POLR1C: variants seen among roughly 807,000 people sequenced by gnomAD.
The protein encoded by POLR1C is RNA polymerase I and III subunit C, also known as DNA-directed RNA polymerases I and III subunit RPAC1.
A neutral mutation model predicts 38.3 loss-of-function variants in POLR1C; 42 were observed. That is an observed-to-expected ratio of 1.10 (90% CI 0.86 to 1.42). The LOEUF (loss-of-function observed/expected upper bound fraction) is 1.42. Ranked by LOEUF, POLR1C falls within the 40% of genes most tolerant of loss-of-function variation. The pLI is 0.00. For missense variants in POLR1C, 507 were observed against 450.5 expected, an observed-to-expected ratio of 1.13 and a Z score of -1.14; for synonymous variants, 163 against 163.9, an observed-to-expected ratio of 0.99 and a Z score of 0.04.
intron 10 of POLR1C, chr6:43,555,933 C>CTTGGATGTG: frequency 6.2e-7 from 1 of 1,613,968 alleles, no homozygotes; most frequent in Non-Finnish European, 8.5e-7. Context: ...GACATGCCAA[C>CTTGGATGTG]CTCATCACCT....
At chr6:43,531,507 G>A (rs369532837), downstream of POLR1C, 50 of 1,613,926 alleles carry the variant, frequency 3.1e-5, no homozygotes, top group Non-Finnish European at 4.1e-5. Flanking sequence ...GAGAAGAAAC[G>A]CTGCATTCTT....
At position 43,558,308 on chromosome 6, in the gene POLR1C, G is replaced by A. The variant is rs113483701; in HGVS notation, c.*49-3092G>A. On this transcript the variant is annotated intron_variant, in intron 10 of 10. Coordinates refer to the POLR1C transcript ENST00000607635. ...TGTCTAAGTGCTGTGGGGGTTTGTG[G>A]TGTAAAACAAAATATTATGCCTGGA... Among the ~76,000 whole-genome samples the A allele has an allele frequency of 0.018, 2,805 of 152,170 alleles. 35 individuals are homozygous for A. Among genetic ancestry groups the A allele is most frequent in the South Asian group, 0.039 (187 of 4,808 alleles).
chr6:43,549,573 G>A, intron 9 of POLR1C: 1 of 1,612,580 alleles, frequency 6.2e-7, no homozygotes, highest in Non-Finnish European at 8.5e-7. Flanking sequence ...CCCGGGTTCT[G>A]GGGGCCTGAA....
At chr6:43,561,087 ATAAAT>A (rs1426791222) in intron 10 of POLR1C, 3 of 1,182,078 alleles carry the variant, frequency 2.5e-6, no homozygotes, top group Non-Finnish European at 3.8e-6. Flanking sequence ...ATAAAAACAG[ATAAAT>A]TAAACCCTCA....
At chr6:43,517,535 C>T (rs1437599567) in intron 2 of POLR1C, among the ~76,000 whole-genome samples, 158 bp downstream of exon 2, 1 of 151,924 alleles carries the variant, frequency 6.6e-6, no homozygotes, top group Non-Finnish European at 1.5e-5. Context: ...AAATTAGACA[C>T]GGTTTCTACC....
intron 8 of POLR1C, chr6:43,528,750 C>G: frequency 7.3e-7 from 1 of 1,369,230 alleles, no homozygotes; most frequent in Non-Finnish European, 1.0e-6. Context: ...CTTCTAGGAG[C>G]TCCTGACTTG....
chr6:43,522,673 A>G, downstream of POLR1C: 1 of 481,912 alleles, frequency 2.1e-6, no homozygotes, highest in Non-Finnish European at 4.4e-6. Context: ...CACCAGCTAA[A>G]AACTGTAGCT....
downstream of POLR1C, chr6:43,530,535 C>G (rs1304057163): frequency 1.1e-6 from 1 of 904,946 alleles, no homozygotes; most frequent in African/African-American, 1.7e-5. Context: ...TCCCTGCAAT[C>G]TGCCAGTGTT....
rs370367568 is a variant in POLR1C, at chr6:43,526,797, A to T, written c.923-2452A>T. On this transcript the variant is annotated intron_variant, in intron 8 of 8. Coordinates refer to the POLR1C transcript ENST00000304004. ...AGGTGAAGGGTGGGTATATACTACC[A>T]CAACAGCCACCTCAGGCCCACTGAT... 34 of 1,582,616 alleles carry T rather than the reference A, an allele frequency of 2.1e-5. No homozygotes were observed. In the African/African-American group the frequency reaches 4.3e-4, roughly 20 times the overall value.
At chr6:43,526,760 A>G (rs1793619947) in intron 8 of POLR1C, 1 of 1,613,122 alleles carries the variant, frequency 6.2e-7, no homozygotes, top group African/African-American at 1.3e-5. Flanking sequence ...AAAGCAAGAA[A>G]GCAGGGTTAC....
downstream of POLR1C, among the ~76,000 whole-genome samples, chr6:43,531,215 C>G (rs1341308120): frequency 3.3e-5 from 5 of 149,722 alleles, no homozygotes; most frequent in Non-Finnish European, 7.5e-5. Context: ...TTAGCTTCGA[C>G]TTGGGTTTCA....
chr6:43,532,359 A>G (rs1217523839), downstream of POLR1C, among the ~76,000 whole-genome samples: 3 of 152,178 alleles, frequency 2.0e-5, no homozygotes, highest in East Asian at 3.8e-4. Context: ...ATGCCATTGG[A>G]TTGCTTGACC....
At chr6:43,539,692 G>C in intron 9 of POLR1C, 1 of 779,132 alleles carries the variant, frequency 1.3e-6, no homozygotes, top group Non-Finnish European at 2.0e-6. Context: ...CTGCACCGGC[G>C]TCATCCGCCA....
intron 9 of POLR1C, among the ~76,000 whole-genome samples, chr6:43,537,500 C>A (rs962556406): frequency 6.6e-6 from 1 of 152,198 alleles, no homozygotes; most frequent in Non-Finnish European, 1.5e-5. Context: ...CAACTCAACT[C>A]TGCATTGAAG....
Position 43,519,313 on chromosome 6 carries a change from GT to G in POLR1C, c.142-14del, listed in dbSNP as rs1444288822. On this transcript the variant is annotated intron_variant, in intron 2 of 8. Coordinates refer to ENST00000642195, the MANE Select transcript of POLR1C (RefSeq NM_203290.4). ...CACAGAGAGCAGATTTCACTTAAATGTTTTTTCCTGTCCCTCTAGAATTTCC... is the reference window on the plus strand; with the variant it reads ...CACAGAGAGCAGATTTCACTTAAATGTTTTTCCTGTCCCTCTAGAATTTCC... 6.9e-7 allele frequency: 1 copy of G among 1,459,316 alleles called. No homozygotes were observed. The highest frequency in any genetic ancestry group is 1.1e-5 in the South Asian group (1 of 87,696). The allele number at this position is 1,459,316 out of a possible 1,614,324, so 90.4% of individuals were successfully genotyped here.
rs1762274180 is a variant in POLR1C, at chr6:43,559,216, G to C, written c.*49-2184G>C. Reference sequence around the variant, plus strand: ...GGAGGCTGAGGCAGGAGAATTGCTTGAACCCAGGAGGCAGAGGTTGCAGTG... The same window carrying C: ...GGAGGCTGAGGCAGGAGAATTGCTTCAACCCAGGAGGCAGAGGTTGCAGTG... On this transcript the variant is annotated intron_variant, in intron 10 of 10. Coordinates refer to the POLR1C transcript ENST00000607635. Among the ~76,000 whole-genome samples the C allele has an allele frequency of 2.0e-5, 3 of 152,188 alleles. No homozygotes were observed. The South Asian group carries it at 6.2e-4, about 31-fold the overall frequency.
downstream of POLR1C, chr6:43,525,060 A>T (rs749787242): frequency 6.3e-7 from 1 of 1,575,166 alleles, no homozygotes; most frequent in South Asian, 1.2e-5. Context: ...AGTCTGCATG[A>T]CCCAAACCTT....
intron 8 of POLR1C, chr6:43,527,488 G>A (rs2127701785): frequency 1.4e-6 from 1 of 717,264 alleles, no homozygotes; most frequent in African/African-American, 1.8e-5. Context: ...TGGCCAGGAT[G>A]GTCTTGATCT....
chr6:43,538,082 CAAAA>C (rs1217531011), intron 9 of POLR1C, among the ~76,000 whole-genome samples: 365 of 36,128 alleles, frequency 0.01, 3 homozygotes, highest in African/African-American at 0.027. Context: ...AAGATGGTCT[CAAAA>C]AAAAAAAAAA....
Sources: allele counts gnomAD v4.1 joint callset (sites outside exome capture counted in the v4.1 genomes callset), GRCh38; gene constraint gnomAD v4.1.1; transcripts MANE v1.5; gene names NCBI Gene and HGNC (gene_info 2026-07-23, HGNC 2026-07-21).